Variants in EZH2 observed in about 807,000 individuals in gnomAD.
EZH2 encodes enhancer of zeste 2 polycomb repressive complex 2 subunit.
Under a neutral mutation model 98.4 loss-of-function variants are expected in EZH2, and 18 were observed. That is an observed-to-expected ratio of 0.18 (90% CI 0.13 to 0.27). The LOEUF (loss-of-function observed/expected upper bound fraction) is 0.27. Ranked by LOEUF, EZH2 falls within the 10% of genes least tolerant of loss-of-function variation. The probability of loss-of-function intolerance (pLI) is 1.00; values close to 1 mark genes in which losing one functional copy is unlikely to be tolerated. For missense variants in EZH2, 470 were observed against 935.1 expected (o/e 0.50, Z 6.49); for synonymous variants, 338 against 312.3 (o/e 1.08, Z -0.87).
chr7:148,861,625 C>G (rs1454322355), intron 1 of EZH2, among the ~76,000 whole-genome samples: 2 of 151,792 alleles, frequency 1.3e-5, no homozygotes, highest in East Asian at 3.9e-4. Flanking sequence ...GCCAACTGTA[C>G]CTAATATAAA....
chr7:148,847,880 C>A (rs1814573131), intron 1 of EZH2, among the ~76,000 whole-genome samples: 1 of 152,190 alleles, frequency 6.6e-6, no homozygotes, highest in African/African-American at 2.4e-5. Flanking sequence ...GCCTCTTGTG[C>A]CACCTTTATT....
intron 3 of EZH2, among the ~76,000 whole-genome samples, chr7:148,842,258 A>G (rs943721109): frequency 4.6e-5 from 7 of 152,244 alleles, no homozygotes; most frequent in Non-Finnish European, 1.0e-4. Context: ...CACATACAGT[A>G]GAAAACATTT....
Position 148,833,180 on chromosome 7 carries a change from C to T in EZH2, c.247-430G>A, listed in dbSNP as rs193074389. Among the ~76,000 whole-genome samples the T allele has an allele frequency of 1.5e-3, 222 of 152,186 alleles. 2 individuals are homozygous for T. Among genetic ancestry groups the T allele is most frequent in the African/African-American group, 5.2e-3 (216 of 41,520 alleles). ...TTAATAAGAATAAGAAAACTTGGGCCGGGCGCGGTGGCTCACGCCTGTAAT... is the reference window on the plus strand; with the variant it reads ...TTAATAAGAATAAGAAAACTTGGGCTGGGCGCGGTGGCTCACGCCTGTAAT... On this transcript the variant is annotated intron_variant, in intron 3 of 19. Transcript: ENST00000320356.
At chr7:148,835,174 C>G (rs1050878090) in intron 3 of EZH2, among the ~76,000 whole-genome samples, 4 of 152,186 alleles carry the variant, frequency 2.6e-5, no homozygotes, top group Non-Finnish European at 5.9e-5. Flanking sequence ...AATCTCAGCA[C>G]TTTGGCAGGC....
At chr7:148,812,753 G>A (rs994806897) in intron 15 of EZH2, among the ~76,000 whole-genome samples, 1 of 152,084 alleles carries the variant, frequency 6.6e-6, no homozygotes, top group Non-Finnish European at 1.5e-5. Context: ...CATCGGAAAC[G>A]GAACCAGAGT....
intron 4 of EZH2, among the ~76,000 whole-genome samples, chr7:148,830,690 A>G (rs896132057): frequency 6.6e-6 from 1 of 152,250 alleles, no homozygotes. Context: ...AAGATGATAG[A>G]TGAGTTTTTA....
intron 15 of EZH2, among the ~76,000 whole-genome samples, chr7:148,812,020 C>T (rs1803222001): frequency 6.6e-6 from 1 of 152,214 alleles, no homozygotes; most frequent in African/African-American, 2.4e-5. Flanking sequence ...GCACTTTTGG[C>T]TTCCCTGTAT....
At chr7:148,823,565 T>C (rs977535001) in intron 8 of EZH2, among the ~76,000 whole-genome samples, 7 of 151,708 alleles carry the variant, frequency 4.6e-5, no homozygotes, top group Non-Finnish European at 1.0e-4. Context: ...AGTGGTTAAC[T>C]ACTAATAAAA....
chr7:148,882,542 A>G (rs1821156485), intron 1 of EZH2, among the ~76,000 whole-genome samples: 2 of 152,224 alleles, frequency 1.3e-5, no homozygotes, highest in African/African-American at 4.8e-5. Context: ...CCTGCAAATA[A>G]AATTACAAAT....
chr7:148,818,314 T>C (rs1207776387), intron 9 of EZH2, among the ~76,000 whole-genome samples, 197 bp from the exon 10 acceptor site: 1 of 152,216 alleles, frequency 6.6e-6, no homozygotes, highest in African/African-American at 2.4e-5. Context: ...AAGAGAAATA[T>C]GGGTTCTATA....
In EZH2 at chr7:148,817,332, T is replaced by C; in HGVS notation, c.1300A>G (p.Asn434Asp). 6.2e-7 allele frequency: 1 copy of C among 1,613,968 alleles called. No homozygotes were observed. Among genetic ancestry groups the C allele is most frequent in the Non-Finnish European group, 8.5e-7 (1 of 1,179,988 alleles). Reference sequence around the variant, plus strand: ...GCTTCAGCACCACTCCACTCCACATTCTCAGGAGGTTCAATATTTGGCTTC... The same window carrying C: ...GCTTCAGCACCACTCCACTCCACATCCTCAGGAGGTTCAATATTTGGCTTC... ...KMKPNIEPPE[N>D]VEWSGAEASM... Residue 434 changes from asparagine to aspartate, a missense_variant, in exon 11 of 20, where the codon AAT becomes GAT. By Grantham distance (23) the Asn-to-Asp change is conservative. Transcript: ENST00000320356.
At position 148,829,685 on chromosome 7, in the gene EZH2, A is replaced by G. The variant is rs2302426; in HGVS notation, c.484+43T>C. The G allele has an allele frequency of 2.8e-5, 44 of 1,590,524 alleles. No individual in the cohort carries two copies. In the East Asian group the frequency reaches 9.7e-4, roughly 35 times the overall value. ...GCTTCATAAACAAAAGTGTCTCTCA[A>G]TTCTTTAGCCCCTTTTTCCAAGAGA... On this transcript the variant is annotated intron_variant, in intron 5 of 19. Coordinates refer to ENST00000320356, the MANE Select transcript of EZH2 (RefSeq NM_004456.5).
At chr7:148,868,663 T>C (rs555555828) in intron 1 of EZH2, among the ~76,000 whole-genome samples, 1 of 152,332 alleles carries the variant, frequency 6.6e-6, no homozygotes, top group East Asian at 1.9e-4. Context: ...GATGAGTGGC[T>C]GACATTAAGA....
In EZH2 at chr7:148,818,056, C is replaced by T. The variant is rs775942317; in HGVS notation, c.1061G>A (p.Arg354His). Residue 354 changes from arginine to histidine, a missense_variant, in exon 10 of 20, where the codon CGT (arginine) becomes CAT (histidine). Arg to His is a conservative substitution (Grantham distance 29). This residue lies in a region of EZH2 where 192 missense variants were observed against 306.8 expected (regional missense o/e 0.63). Coordinates refer to ENST00000320356, the MANE Select transcript of EZH2 (RefSeq NM_004456.5). Reference protein sequence around the residue: ...TAERIKTPPKRPGGRRRGRLP... With the variant: ...TAERIKTPPKHPGGRRRGRLP... The stretch of plus-strand genomic sequence containing the variant: ...CCGTCCTCTTCTGCGGCCTCCTGGA[C>T]GTTTTGGTGGGGTCTTTATCCGCTC... 1.9e-6 allele frequency: 3 copies of T among 1,613,820 alleles called. No homozygotes were observed. The highest frequency in any genetic ancestry group is 8.5e-7 in the Non-Finnish European group (1 of 1,179,966).
chr7:148,829,567 T>C (rs1808733690), intron 5 of EZH2, among the ~76,000 whole-genome samples, 161 bp downstream of exon 5: 1 of 152,154 alleles, frequency 6.6e-6, no homozygotes, highest in South Asian at 2.1e-4. Context: ...TTAGGGAAAA[T>C]ACTGAAAATC....
chr7:148,877,000 C>T (rs1414201386), intron 1 of EZH2, among the ~76,000 whole-genome samples: 1 of 151,926 alleles, frequency 6.6e-6, no homozygotes, highest in Non-Finnish European at 1.5e-5. Context: ...ATTATAGTAT[C>T]TATATAAAAT....
chr7:148,823,242 T>TA (rs1175386790), intron 8 of EZH2, among the ~76,000 whole-genome samples: 2 of 152,212 alleles, frequency 1.3e-5, no homozygotes, highest in Non-Finnish European at 2.9e-5. Context: ...AATACCTAAA[T>TA]AGAGTTTATC....
At chr7:148,830,270 C>G (rs1486715425) in intron 4 of EZH2, among the ~76,000 whole-genome samples, 1 of 152,216 alleles carries the variant, frequency 6.6e-6, no homozygotes, top group Admixed American at 6.5e-5. Flanking sequence ...ATCCACCCGC[C>G]TTGGCTCCCA....
intron 1 of EZH2, among the ~76,000 whole-genome samples, chr7:148,868,003 T>C (rs1044223725): frequency 2.0e-5 from 3 of 152,228 alleles, no homozygotes; most frequent in African/African-American, 7.2e-5. Flanking sequence ...TGAGACTTCA[T>C]CAGCCTAGCC....
Sources: allele counts gnomAD v4.1 joint callset (sites outside exome capture counted in the v4.1 genomes callset), GRCh38; gene constraint gnomAD v4.1.1; regional missense constraint gnomAD v4.1.1; transcripts MANE v1.5; gene names NCBI Gene and HGNC (gene_info 2026-07-23, HGNC 2026-07-21).